PCDHGB3: variants seen among roughly 807,000 people sequenced by gnomAD.
The protein encoded by PCDHGB3 is protocadherin gamma subfamily B, 3, also known as protocadherin gamma-B3.
Under a neutral mutation model 59.2 loss-of-function variants are expected in PCDHGB3, and 40 were observed. The observed-to-expected ratio is 0.68, with a 90% confidence interval of 0.52 to 0.88. The LOEUF (loss-of-function observed/expected upper bound fraction) is 0.88, where lower values mean the gene tolerates loss of function less well. Among genes scored for constraint, PCDHGB3 ranks in the 40% least tolerant of loss-of-function variants. The pLI, the probability that PCDHGB3 is intolerant of heterozygous loss-of-function variation, is 0.00. For synonymous variants in PCDHGB3, 581 were observed against 503.6 expected (o/e 1.15, Z -2.06); for missense variants, 1,309 against 1,187.9 (o/e 1.10, Z -1.50).
Position 141,490,345 on chromosome 5 carries a change from G to C in PCDHGB3, c.2416-4462G>C, listed in dbSNP as rs2099698831. On this transcript the variant is annotated intron_variant, in intron 1 of 3. Coordinates refer to ENST00000576222, the MANE Select transcript of PCDHGB3 (RefSeq NM_018924.5). This position sits in a 1 kb window ranked among gnomAD's most constrained non-coding sequence, Gnocchi z 5.4. ...AGAGAGCACACCAGTGGGCACAGTA[G>C]TGGGGTTGTTTAATGTGCGAGACCG... is the stretch of plus-strand genomic sequence containing the variant. 1 of 1,614,216 alleles carries C rather than the reference G, an allele frequency of 6.2e-7. No homozygotes were observed. Among genetic ancestry groups the C allele is most frequent in the Non-Finnish European group, 8.5e-7 (1 of 1,180,034 alleles).
At chr5:141,419,276 CAA>C in intron 1 of PCDHGB3, 4 of 1,614,038 alleles carry the variant, frequency 2.5e-6, no homozygotes, top group Non-Finnish European at 3.4e-6. Flanking sequence ...CTCCATAGCG[CAA>C]GTCAGTGCCT....
At chr5:141,441,747 G>A in intron 1 of PCDHGB3, 2 of 372,470 alleles carry the variant, frequency 5.4e-6, no homozygotes, top group Non-Finnish European at 5.4e-6. Flanking sequence ...CGCGCTCGGC[G>A]TCAACGTGAG....
intron 1 of PCDHGB3, chr5:141,403,068 C>G (rs1178674622): frequency 6.2e-7 from 1 of 1,614,064 alleles, no homozygotes; most frequent in Admixed American, 1.7e-5. Context: ...CCTGAAGAGA[C>G]AGAAAAGGGC....
Position 141,486,639 on chromosome 5 carries a change from T to G in PCDHGB3, c.2416-8168T>G, listed in dbSNP as rs1250700423. ...GACCCAGACTCTGGCTTGAATGCGC[T>G]TATCTCCTACTCACTCCTGGAGCCC... On this transcript the variant is annotated intron_variant, in intron 1 of 3. Transcript: ENST00000576222. The surrounding 1 kb of genome is among the most constrained non-coding windows in gnomAD (Gnocchi z 5.0). The G allele has an allele frequency of 6.2e-7, 1 of 1,613,818 alleles. No individual in the cohort carries two copies. The highest frequency in any genetic ancestry group is 1.1e-5 in the South Asian group (1 of 91,084).
chr5:141,497,218 GA>G (rs1172998466), intron 2 of PCDHGB3, among the ~76,000 whole-genome samples: 1 of 149,792 alleles, frequency 6.7e-6, no homozygotes, highest in Non-Finnish European at 1.5e-5. Flanking sequence ...ATGGGGGGGG[GA>G]AGATCAGAGA....
intron 1 of PCDHGB3, chr5:141,416,520 G>A (rs1209482346): frequency 6.6e-6 from 1 of 152,136 alleles, no homozygotes; most frequent in African/African-American, 2.4e-5. Context: ...TATTTCAGTG[G>A]CTCTTTAATG....
intron 1 of PCDHGB3, chr5:141,410,207 C>T: frequency 6.2e-7 from 1 of 1,614,024 alleles, no homozygotes; most frequent in African/African-American, 1.3e-5. Context: ...AGACAACTTG[C>T]AAGAGATACT....
chr5:141,394,535 C>T, intron 1 of PCDHGB3: 1 of 1,614,210 alleles, frequency 6.2e-7, no homozygotes, highest in Non-Finnish European at 8.5e-7. Flanking sequence ...GTTCCACTGG[C>T]GTGGAGCTGG....
At chr5:141,390,533 A>G (rs1589127549) in intron 1 of PCDHGB3, 1 of 529,950 alleles carries the variant, frequency 1.9e-6, no homozygotes. Context: ...GTGTGGTTTT[A>G]ACCACAAAGT....
intron 1 of PCDHGB3, chr5:141,419,406 C>A (rs367731612): frequency 1.9e-6 from 3 of 1,613,404 alleles, no homozygotes; most frequent in Non-Finnish European, 2.5e-6. Context: ...GTGGTGTTCG[C>A]GCAGCGCGCC....
intron 1 of PCDHGB3, among the ~76,000 whole-genome samples, chr5:141,480,911 G>A (rs2154578422): frequency 6.6e-6 from 1 of 152,218 alleles, no homozygotes; most frequent in East Asian, 1.9e-4. Flanking sequence ...TGGGCATGGT[G>A]GCGCATACCT....
rs202162316 is a variant in PCDHGB3, at chr5:141,490,194, T to C, written c.2416-4613T>C. ...TTGAGGAGTCACGTTTCTATGAAAT[T>C]CATGCAAGAGCCCGTGACCAGGGAC... is the stretch of plus-strand genomic sequence containing the variant. On this transcript the variant is annotated intron_variant, in intron 1 of 3. Transcript: ENST00000576222. The surrounding 1 kb of genome is among the most constrained non-coding windows in gnomAD (Gnocchi z 5.4). The C allele has an allele frequency of 8.1e-6, 13 of 1,614,186 alleles. No individual in the cohort carries two copies. The highest frequency in any genetic ancestry group is 1.1e-5 in the Non-Finnish European group (13 of 1,180,030).
At chr5:141,408,738 C>A in intron 1 of PCDHGB3, 1 of 1,609,632 alleles carries the variant, frequency 6.2e-7, no homozygotes, top group Non-Finnish European at 8.5e-7. Flanking sequence ...CCTTATTTTT[C>A]ATTAATGGTT....
intron 1 of PCDHGB3, among the ~76,000 whole-genome samples, chr5:141,481,693 C>T (rs755007426): frequency 1.8e-4 from 27 of 152,020 alleles, no homozygotes; most frequent in Admixed American, 7.9e-4. Context: ...GTGGCTCACG[C>T]CTGTAATCCC....
chr5:141,415,755 T>C (rs753465209), intron 1 of PCDHGB3: 19 of 1,387,632 alleles, frequency 1.4e-5, no homozygotes, highest in Middle Eastern at 2.6e-4. Flanking sequence ...TTTTTTTTTT[T>C]TTTTTTTTTT....
At chr5:141,429,037 G>A (rs1404164429) in intron 1 of PCDHGB3, 1 of 152,054 alleles carries the variant, frequency 6.6e-6, no homozygotes, top group African/African-American at 2.4e-5. Flanking sequence ...TGCATTTTTA[G>A]TACAGACGGG....
At position 141,489,219 on chromosome 5, in the gene PCDHGB3, T is replaced by C; in HGVS notation, c.2416-5588T>C. 1 of 1,502,828 alleles carries C rather than the reference T, an allele frequency of 6.7e-7. No homozygotes were observed. Among genetic ancestry groups the C allele is most frequent in the Non-Finnish European group, 8.9e-7 (1 of 1,117,962 alleles). 93.1% of individuals were successfully genotyped at this position (1,502,828 alleles called of 1,614,324 possible). On this transcript the variant is annotated intron_variant, in intron 1 of 3. Transcript: ENST00000576222. This position sits in a 1 kb window ranked among gnomAD's most constrained non-coding sequence, Gnocchi z 4.5. ...GAGACAGGACAGCACAGACTTACTC[T>C]CCACAAAGGGACTTCTGGGTCATGG...
chr5:141,382,749 G>C, intron 1 of PCDHGB3: 1 of 612,214 alleles, frequency 1.6e-6, no homozygotes, highest in Non-Finnish European at 2.8e-6. Context: ...GACAGATTGC[G>C]ATAAGCCCTC....
At chr5:141,436,384 CT>C (rs768914860) in intron 1 of PCDHGB3, among the ~76,000 whole-genome samples, 1 of 152,104 alleles carries the variant, frequency 6.6e-6, no homozygotes, top group Non-Finnish European at 1.5e-5. Context: ...GCTGAATAGG[CT>C]TTATTAAATA....
Sources: gnomAD v4.1 joint callset for allele counts (sites outside exome capture counted in the v4.1 genomes callset) on GRCh38, gnomAD v4.1.1 for gene constraint, Gnocchi (gnomAD v3.1) non-coding constraint, MANE v1.5 for transcripts, NCBI Gene and HGNC (gene_info 2026-07-23, HGNC 2026-07-21) for gene names.